Variants in GNAQ observed in about 807,000 individuals in gnomAD.
GNAQ encodes guanine nucleotide-binding protein G(q) subunit alpha.
GNAQ carries 8 observed loss-of-function variants against 43.9 expected under a neutral mutation model. The observed-to-expected ratio is 0.18, with a 90% CI of 0.11 to 0.33. GNAQ has a LOEUF of 0.33. Among genes scored for constraint, GNAQ ranks in the 10% least tolerant of loss-of-function variants. The probability of loss-of-function intolerance (pLI) is 1.00; values close to 1 mark genes in which losing one functional copy is unlikely to be tolerated. For missense variants in GNAQ, 158 were observed against 450.8 expected, an observed-to-expected ratio of 0.35 and a Z score of 5.88; for synonymous variants, 155 against 170.7, an observed-to-expected ratio of 0.91 and a Z score of 0.71.
chr9:77,932,441 C>T (rs762180677), intron 1 of GNAQ, among the ~76,000 whole-genome samples: 3 of 152,048 alleles, frequency 2.0e-5, no homozygotes, highest in Non-Finnish European at 2.9e-5. Context: ...AAGAATTAAA[C>T]GACAATGAAA....
In GNAQ at chr9:77,745,436, G is replaced by C. The variant is rs144592182; in HGVS notation, c.736-16769C>G. Among the ~76,000 whole-genome samples the C allele has an allele frequency of 3.1e-3, 466 of 152,076 alleles. 2 individuals carry two copies. The highest frequency in any genetic ancestry group is 5.1e-3 in the Non-Finnish European group (345 of 67,988). On this transcript the variant is annotated intron_variant, in intron 5 of 6. Transcript: ENST00000286548. ...AGAAGTAAACAGAGATCACTGTAAA[G>C]AGATCAATGCAAAAACTTAAAATAC...
rs191681262 is a variant in GNAQ, at chr9:77,838,746, C to T, written c.322-22976G>A. Among the ~76,000 whole-genome samples the T allele has an allele frequency of 3.3e-4, 50 of 152,164 alleles. No homozygotes were observed. The East Asian group carries it at 8.3e-3, about 25-fold the overall frequency. ...AGAATTTTTAAATTGATACTTGCTG[C>T]AGCATTTTCTGATTTGTCTACAAAG... On this transcript the variant is annotated intron_variant, in intron 2 of 6. Transcript: ENST00000286548.
At chr9:77,742,356 G>A (rs1445015263) in intron 5 of GNAQ, among the ~76,000 whole-genome samples, 2 of 152,068 alleles carry the variant, frequency 1.3e-5, no homozygotes, top group Admixed American at 6.6e-5. Flanking sequence ...GAAGAACTAC[G>A]CATTTTTTGA....
intron 1 of GNAQ, among the ~76,000 whole-genome samples, chr9:77,965,053 C>T (rs913928701): frequency 1.3e-5 from 2 of 152,048 alleles, no homozygotes; most frequent in Non-Finnish European, 2.9e-5. Flanking sequence ...AGATCACAGC[C>T]TCCATTACTG....
chr9:78,030,981 G>A (rs1824049933), intron 1 of GNAQ, 119 bp downstream of exon 1: 4 of 638,760 alleles, frequency 6.3e-6, no homozygotes, highest in African/African-American at 1.9e-5. Context: ...GCGCGCCCGG[G>A]AGGGTAGGGG....
At chr9:77,773,650 T>C (rs1826263157) in intron 5 of GNAQ, among the ~76,000 whole-genome samples, 1 of 152,232 alleles carries the variant, frequency 6.6e-6, no homozygotes, top group Non-Finnish European at 1.5e-5. Context: ...GACACTACAC[T>C]TTTTTCTTGT....
intron 1 of GNAQ, among the ~76,000 whole-genome samples, chr9:77,946,197 A>G (rs1040985319): frequency 7.2e-5 from 11 of 152,198 alleles, no homozygotes; most frequent in Non-Finnish European, 5.9e-5. Flanking sequence ...GGAACTAAAG[A>G]AAAACAGAAA....
intron 4 of GNAQ, among the ~76,000 whole-genome samples, 171 bp from the exon 5 acceptor site, chr9:77,794,763 T>C (rs920743054): frequency 6.6e-5 from 10 of 152,136 alleles, no homozygotes; most frequent in Admixed American, 2.0e-4. Context: ...TATTACCTAA[T>C]ATTCAAAGTT....
At chr9:77,741,913 G>C (rs1359893193) in intron 5 of GNAQ, among the ~76,000 whole-genome samples, 2 of 152,154 alleles carry the variant, frequency 1.3e-5, no homozygotes, top group Non-Finnish European at 2.9e-5. Context: ...CTCAGCTTTG[G>C]TTTCTGTATC....
intron 2 of GNAQ, among the ~76,000 whole-genome samples, chr9:77,858,935 C>T (rs985256838): frequency 6.6e-6 from 1 of 152,078 alleles, no homozygotes; most frequent in Non-Finnish European, 1.5e-5. Flanking sequence ...TGCCTCTGTA[C>T]TTTCCTATTT....
At position 78,027,572 on chromosome 9, in the gene GNAQ, GA is replaced by G. The variant is rs1437198069; in HGVS notation, c.136+3527del. ...TCGCGACCAGCCTGACTAACATGTT[GA>G]AACCCCAGCTCTACTAAATGCAAAA... On this transcript the variant is annotated intron_variant, in intron 1 of 6. Transcript: ENST00000286548. Among the ~76,000 whole-genome samples the G allele has an allele frequency of 3.9e-5, 6 of 152,088 alleles. No individual in the cohort carries two copies. The East Asian group carries it at 1.2e-3, about 29-fold the overall frequency.
At chr9:77,730,417 T>G (rs1478686869) in intron 5 of GNAQ, among the ~76,000 whole-genome samples, 1 of 152,168 alleles carries the variant, frequency 6.6e-6, no homozygotes, top group East Asian at 1.9e-4. Flanking sequence ...TCTGGAAACC[T>G]CCAGGGAACT....
At chr9:77,985,923 T>C (rs1005156957) in intron 1 of GNAQ, among the ~76,000 whole-genome samples, 2 of 152,188 alleles carry the variant, frequency 1.3e-5, no homozygotes, top group Non-Finnish European at 2.9e-5. Context: ...TCATTCAAAT[T>C]TAAATGAACT....
chr9:77,944,996 TGGG>T (rs1822869436), intron 1 of GNAQ, among the ~76,000 whole-genome samples: 1 of 152,210 alleles, frequency 6.6e-6, no homozygotes, highest in African/African-American at 2.4e-5. Context: ...GCAAGGCGGC[TGGG>T]GAAGCACAAA....
chr9:77,979,952 G>C (rs542048066), intron 1 of GNAQ, among the ~76,000 whole-genome samples: 3 of 152,228 alleles, frequency 2.0e-5, no homozygotes, highest in South Asian at 4.1e-4. Context: ...ACAGAAAATA[G>C]GTCATAACAT....
rs5898555 is a variant in GNAQ, at chr9:77,728,671, GA to G, written c.736-5del. 37,985 of 1,295,286 alleles carry G rather than the reference GA, an allele frequency of 0.029. 110 individuals carry two copies. Among genetic ancestry groups the G allele is most frequent in the African/African-American group, 0.081 (5,311 of 65,330 alleles). 80.2% of individuals were successfully genotyped at this position (1,295,286 alleles called of 1,614,324 possible). A position where few individuals can be genotyped will look rare whatever the true frequency, so the allele number is the denominator to read the frequency against. On this transcript the variant is annotated splice_polypyrimidine_tract_variant and splice_region_variant and intron_variant, in intron 5 of 6. Transcript: ENST00000286548. ...CCTTGCTTTCCTCCATTCGGTTCTG[GA>G]AAAAAAAAAAAAATCAGAAAAAACA...
intron 1 of GNAQ, among the ~76,000 whole-genome samples, chr9:77,971,218 C>T (rs1025251550): frequency 6.6e-6 from 1 of 152,188 alleles, no homozygotes; most frequent in African/African-American, 2.4e-5. Flanking sequence ...GAGCTGATAC[C>T]ATTCCTTCCG....
chr9:77,968,184 T>A (rs542732287), intron 1 of GNAQ, among the ~76,000 whole-genome samples: 1 of 152,252 alleles, frequency 6.6e-6, no homozygotes, highest in South Asian at 2.1e-4. Context: ...ATGGTGAATT[T>A]TATATTATGT....
chr9:77,718,035 T>C lies in GNAQ; in HGVS notation c.*3288A>G. 1 of 232,942 alleles carries C rather than the reference T, an allele frequency of 4.3e-6. No individual in the cohort carries two copies. The highest frequency in any genetic ancestry group is 8.5e-6 in the Non-Finnish European group (1 of 117,820). The allele number at this position is 232,942 out of a possible 1,614,324, so 14.4% of individuals were successfully genotyped here. A position where few individuals can be genotyped will look rare whatever the true frequency, so the allele number is the denominator to read the frequency against. ...AATTCTCTGGGGGTTAGAACTGCCA[T>C]GTCACGCAAAAAGGGAAAAATCATC... is the stretch of plus-strand genomic sequence containing the variant. On this transcript the variant is annotated 3_prime_UTR_variant, in exon 7 of 7. Coordinates refer to ENST00000286548, the MANE Select transcript of GNAQ (RefSeq NM_002072.5).
Sources: gnomAD v4.1 joint callset for allele counts (sites outside exome capture counted in the v4.1 genomes callset) on GRCh38, gnomAD v4.1.1 for gene constraint, MANE v1.5 for transcripts, NCBI Gene and HGNC (gene_info 2026-07-23, HGNC 2026-07-21) for gene names.